The following SLC22A16 variants were observed in gnomAD, a reference collection of about 807,000 sequenced individuals.
The protein encoded by SLC22A16 is solute carrier family 22 member 16, also known as WUGSC:RG331P03.1.
A neutral mutation model predicts 52.9 loss-of-function variants in SLC22A16; 53 were observed. That is an observed-to-expected ratio of 1.00 (90% CI 0.80 to 1.26). The LOEUF (loss-of-function observed/expected upper bound fraction) is 1.26. Ranked by LOEUF, SLC22A16 falls within the 50% of genes most tolerant of loss-of-function variation. SLC22A16 has a pLI of 0.00. For synonymous variants in SLC22A16, 291 were observed against 268.8 expected (o/e 1.08, Z -0.81); for missense variants, 726 against 704.0 (o/e 1.03, Z -0.35).
intron 2 of SLC22A16, among the ~76,000 whole-genome samples, chr6:110,448,866 T>C (rs1479561138): frequency 1.3e-5 from 2 of 152,194 alleles, no homozygotes; most frequent in Admixed American, 1.3e-4. Context: ...CAAATATCAT[T>C]TTGCAATCTT....
chr6:110,476,030 C>T (rs1776457918), intron 1 of SLC22A16: 1 of 455,480 alleles, frequency 2.2e-6, no homozygotes, highest in African/African-American at 2.0e-5. Context: ...TTTTAATAAA[C>T]GGCAACCAAC....
intron 1 of SLC22A16, among the ~76,000 whole-genome samples, chr6:110,457,507 G>A (rs1000607174): frequency 6.6e-6 from 1 of 152,134 alleles, no homozygotes; most frequent in South Asian, 2.1e-4. Flanking sequence ...AGCACGAGCT[G>A]TTCCATATAA....
At chr6:110,468,915 T>G (rs1776166791) in intron 1 of SLC22A16, among the ~76,000 whole-genome samples, 1 of 152,152 alleles carries the variant, frequency 6.6e-6, no homozygotes, top group Non-Finnish European at 1.5e-5. Flanking sequence ...GTTGCTATAT[T>G]GCCTGTGGCC....
chr6:110,440,938 C>T (rs927205200), intron 4 of SLC22A16, among the ~76,000 whole-genome samples: 2 of 152,184 alleles, frequency 1.3e-5, no homozygotes, highest in African/African-American at 4.8e-5. Context: ...TTGAAAAGAG[C>T]TCCCACTAGA....
At chr6:110,425,992 C>A (rs1215378633) in intron 7 of SLC22A16, among the ~76,000 whole-genome samples, 1 of 152,160 alleles carries the variant, frequency 6.6e-6, no homozygotes, top group Non-Finnish European at 1.5e-5. Context: ...ATGTTTATAG[C>A]CTCTGAAAAT....
At position 110,446,866 on chromosome 6, in the gene SLC22A16, A is replaced by T. The variant is rs768677132; in HGVS notation, c.651+7T>A. 1.2e-6 allele frequency: 2 copies of T among 1,604,158 alleles called. No individual in the cohort carries two copies. The highest frequency in any genetic ancestry group is 3.5e-5 in the Admixed American group (2 of 57,650). ...GCAGAATTAAAGAAGTAAAAAACAC[A>T]ACTCACCATGGCAAGAAAAAAGCGA... On this transcript the variant is annotated splice_region_variant and intron_variant, in intron 3 of 7. Coordinates refer to ENST00000368919, the MANE Select transcript of SLC22A16 (RefSeq NM_033125.4).
intron 1 of SLC22A16, among the ~76,000 whole-genome samples, chr6:110,466,207 C>T (rs1379629396): frequency 6.6e-6 from 1 of 152,140 alleles, no homozygotes; most frequent in Non-Finnish European, 1.5e-5. Flanking sequence ...TTAGGAAAAA[C>T]TCTTCTGGAC....
chr6:110,458,862 C>G (rs976413448), intron 1 of SLC22A16, among the ~76,000 whole-genome samples: 1 of 152,168 alleles, frequency 6.6e-6, no homozygotes, highest in Non-Finnish European at 1.5e-5. Flanking sequence ...AAGACTTACA[C>G]CAGGCCTTCA....
At chr6:110,451,949 T>C (rs1250428474) in intron 2 of SLC22A16, among the ~76,000 whole-genome samples, 1 of 152,212 alleles carries the variant, frequency 6.6e-6, no homozygotes, top group Non-Finnish European at 1.5e-5. Context: ...TGTAAAATGT[T>C]AGAAAATGAA....
At chr6:110,427,260 A>AAAGAAAG in intron 7 of SLC22A16, among the ~76,000 whole-genome samples, 1 of 137,948 alleles carries the variant, frequency 7.2e-6, no homozygotes, top group South Asian at 2.3e-4. Context: ...AAAAAAAAAA[A>AAAGAAAG]AAAAGAAAAA....
rs764502981 is a variant in SLC22A16, at chr6:110,442,665, G to T, written c.762C>A (p.Thr254=). ...AGTATCCTGTCAAAGCCACCAGCAG[G>T]GTTCCAACTGCAAAAAAGGAATGCA... ...VHLHSFFAVG[T]LLVALTGYLV... Residue 254 remains threonine (T), a synonymous_variant, in exon 4 of 8, where the codon ACC becomes ACA. Coordinates refer to ENST00000368919, the MANE Select transcript of SLC22A16 (RefSeq NM_033125.4). 2 of 1,613,950 alleles carry T rather than the reference G, an allele frequency of 1.2e-6. No homozygotes were observed. The highest frequency in any genetic ancestry group is 1.7e-6 in the Non-Finnish European group (2 of 1,179,996).
At chr6:110,462,296 A>G (rs975574704) in intron 1 of SLC22A16, among the ~76,000 whole-genome samples, 1 of 152,154 alleles carries the variant, frequency 6.6e-6, no homozygotes, top group African/African-American at 2.4e-5. Context: ...GCTATACAAA[A>G]AGACAAAGTG....
At chr6:110,458,547 T>G (rs1775753931) in intron 1 of SLC22A16, among the ~76,000 whole-genome samples, 1 of 152,190 alleles carries the variant, frequency 6.6e-6, no homozygotes, top group Non-Finnish European at 1.5e-5. Context: ...ATACATGAAT[T>G]CATACTGTGT....
chr6:110,465,100 TAA>T (rs71018392), intron 1 of SLC22A16, among the ~76,000 whole-genome samples: 174 of 130,582 alleles, frequency 1.3e-3, no homozygotes, highest in Middle Eastern at 4.0e-3. Context: ...CCCTTCATGA[TAA>T]AAAAAAAAAA....
intron 1 of SLC22A16, 109 bp downstream of exon 1, chr6:110,476,413 G>A (rs1460688834): frequency 2.1e-6 from 3 of 1,396,110 alleles, no homozygotes; most frequent in Non-Finnish European, 1.9e-6. Flanking sequence ...AGGAGGAAGT[G>A]GAGATGTTTT....
At chr6:110,451,548 A>G (rs1001033422) in intron 2 of SLC22A16, among the ~76,000 whole-genome samples, 2 of 152,216 alleles carry the variant, frequency 1.3e-5, no homozygotes, top group African/African-American at 2.4e-5. Context: ...ACTTTTCATT[A>G]GCCATTTGGA....
intron 1 of SLC22A16, among the ~76,000 whole-genome samples, chr6:110,467,641 G>A (rs1022840063): frequency 1.3e-5 from 2 of 152,118 alleles, no homozygotes; most frequent in African/African-American, 4.8e-5. Context: ...TGTTCAATAG[G>A]CCAGTGTATC....
At chr6:110,431,374 A>G in intron 6 of SLC22A16, 104 bp from the exon 7 acceptor site, 1 of 952,390 alleles carries the variant, frequency 1.0e-6, no homozygotes, top group Non-Finnish European at 1.6e-6. Context: ...AGCAAGGATA[A>G]GGGTGGTCAG....
chr6:110,447,824 AG>A (rs1258942921), intron 2 of SLC22A16, among the ~76,000 whole-genome samples: 1 of 152,228 alleles, frequency 6.6e-6, no homozygotes, highest in Non-Finnish European at 1.5e-5. Flanking sequence ...TCTGCGTTGT[AG>A]CATGTATTAG....
Sources: allele counts gnomAD v4.1 joint callset (sites outside exome capture counted in the v4.1 genomes callset), GRCh38; gene constraint gnomAD v4.1.1; transcripts MANE v1.5; gene names NCBI Gene and HGNC (gene_info 2026-07-23, HGNC 2026-07-21).